The following PGAP1 variants were observed in gnomAD, a reference collection of about 807,000 sequenced individuals.
PGAP1 encodes GPI inositol-deacylase.
PGAP1 carries 76 observed loss-of-function variants against 127.0 expected under a neutral mutation model. The ratio of observed to expected loss-of-function variants is 0.60; its 90% CI spans 0.50 to 0.72. The LOEUF (loss-of-function observed/expected upper bound fraction) is 0.72, where lower values mean the gene tolerates loss of function less well. Ranked by LOEUF, PGAP1 falls within the 30% of genes least tolerant of loss-of-function variation. The pLI, the probability that PGAP1 is intolerant of heterozygous loss-of-function variation, is 0.00. For synonymous variants in PGAP1, 362 were observed against 366.5 expected (o/e 0.99, Z 0.14); for missense variants, 982 against 1,071.3 (o/e 0.92, Z 1.16).
chr2:196,903,784 C>T (rs1364884928), intron 4 of PGAP1, among the ~76,000 whole-genome samples: 1 of 152,120 alleles, frequency 6.6e-6, no homozygotes, highest in Non-Finnish European at 1.5e-5. Context: ...CAATTTTTCA[C>T]TTTGTCTATT....
intron 21 of PGAP1, 58 bp downstream of exon 21, chr2:196,847,889 A>G: frequency 7.9e-7 from 1 of 1,262,338 alleles, no homozygotes; most frequent in Non-Finnish European, 1.1e-6. Flanking sequence ...TATGGAACCA[A>G]ATATAATGTT....
intron 22 of PGAP1, 88 bp downstream of exon 22, chr2:196,846,915 T>C: frequency 9.1e-7 from 1 of 1,102,896 alleles, no homozygotes. Flanking sequence ...GAAAATAGTT[T>C]AGTAAAAATA....
At chr2:196,842,202 G>C (rs1466622118) in intron 26 of PGAP1, among the ~76,000 whole-genome samples, 1 of 152,130 alleles carries the variant, frequency 6.6e-6, no homozygotes, top group African/African-American at 2.4e-5. Context: ...TAAAGACAGA[G>C]CTATTAAATA....
chr2:196,896,758 G>C (rs1702287742), intron 7 of PGAP1, among the ~76,000 whole-genome samples: 1 of 149,984 alleles, frequency 6.7e-6, no homozygotes, highest in African/African-American at 2.5e-5. Context: ...GAACCTGGGA[G>C]GCAGAGGCTG....
rs781211463 is a variant in PGAP1 at position 196,902,659 on chromosome 2, G to A, written c.733C>T (p.Arg245Trp). 5.6e-6 allele frequency: 9 copies of A among 1,613,106 alleles called. No individual in the cohort carries two copies. The highest frequency in any genetic ancestry group is 2.2e-5 in the East Asian group (1 of 44,834). ...AATCCTGAACGAACTTGGTAATCCC[G>A]GAATCCTCCAGCTACAGAAAGTGTG... ...LTTLSVAGGFRDYQVRSGLTF... is the reference protein window; with the variant it reads ...LTTLSVAGGFWDYQVRSGLTF... The change falls in exon 5 of 27, where the codon CGG (arginine) becomes TGG (tryptophan). Residue 245 changes from arginine to tryptophan, a missense_variant. Transcript: ENST00000354764.
chr2:196,902,459 G>A, intron 5 of PGAP1, 126 bp downstream of exon 5: 3 of 654,140 alleles, frequency 4.6e-6, no homozygotes, highest in Non-Finnish European at 7.6e-6. Flanking sequence ...ACACATGCAT[G>A]CCCACACAGC....
At position 196,847,132 on chromosome 2, in the gene PGAP1, C is replaced by G; in HGVS notation, c.2021G>C (p.Cys674Ser). 1.2e-6 allele frequency: 2 copies of G among 1,613,224 alleles called. No individual in the cohort carries two copies. Among genetic ancestry groups the G allele is most frequent in the Non-Finnish European group, 1.7e-6 (2 of 1,179,486 alleles). The change falls in exon 22 of 27, where the codon TGT becomes TCT. Residue 674 changes from cysteine (C) to serine (S), a missense_variant. By Grantham distance (112) the Cys-to-Ser change is moderately radical. Transcript: ENST00000354764. ...TATCAGGGGGAAACACATACTCTGA[C>G]AAGTTAAAATGACGGCATCTAATTC... ...LPELDAVILTCQSMCFPLISL... is the reference protein window; with the variant it reads ...LPELDAVILTSQSMCFPLISL...
At chr2:196,860,768 G>A (rs1261139020) in intron 20 of PGAP1, among the ~76,000 whole-genome samples, 1 of 152,134 alleles carries the variant, frequency 6.6e-6, no homozygotes, top group East Asian at 1.9e-4. Flanking sequence ...ACTACCTCAA[G>A]CAATGTCTAG....
chr2:196,905,727 C>T (rs1702682064), intron 4 of PGAP1, among the ~76,000 whole-genome samples: 1 of 148,926 alleles, frequency 6.7e-6, no homozygotes, highest in Non-Finnish European at 1.5e-5. Context: ...ACAGTGGGCG[C>T]AGGCCAGTGT....
At chr2:196,926,439 G>A in intron 1 of PGAP1, 31 bp downstream of exon 1, 1 of 1,613,528 alleles carries the variant, frequency 6.2e-7, no homozygotes, top group Non-Finnish European at 8.5e-7. Flanking sequence ...GAGTCTTGGA[G>A]CGCCCGGCTG....
chr2:196,893,264 C>A lies in PGAP1; in HGVS notation c.928-19G>T. The A allele has an allele frequency of 7.8e-7, 1 of 1,281,996 alleles. No individual in the cohort carries two copies. The highest frequency in any genetic ancestry group is 1.1e-6 in the Non-Finnish European group (1 of 886,306). 79.4% of individuals were successfully genotyped at this position (1,281,996 alleles called of 1,614,324 possible). A position where few individuals can be genotyped will look rare whatever the true frequency, so the allele number is the denominator to read the frequency against. On this transcript the variant is annotated intron_variant, in intron 7 of 26. Coordinates refer to ENST00000354764, the MANE Select transcript of PGAP1 (RefSeq NM_024989.4). ...GAGTTATCTAGAAAGAACATTGATA[C>A]ATTCTGTATCATTTTGTATCTATTG...
intron 20 of PGAP1, among the ~76,000 whole-genome samples, chr2:196,861,303 T>C (rs953731771): frequency 1.3e-5 from 2 of 151,974 alleles, no homozygotes; most frequent in Non-Finnish European, 2.9e-5. Context: ...CAAAAGCACA[T>C]ACAATAAAAG....
At chr2:196,873,459 G>A in intron 16 of PGAP1, 69 bp downstream of exon 16, 1 of 1,089,138 alleles carries the variant, frequency 9.2e-7, no homozygotes, top group Non-Finnish European at 1.3e-6. Context: ...TAGAAAATTT[G>A]AGTTAACACC....
intron 5 of PGAP1, among the ~76,000 whole-genome samples, chr2:196,899,996 C>T (rs976740147): frequency 1.2e-4 from 19 of 152,194 alleles, no homozygotes; most frequent in African/African-American, 4.6e-4. Flanking sequence ...TGAGATTGTG[C>T]CATTGCACTC....
chr2:196,838,997 T>C lies in PGAP1; in HGVS notation c.*2237A>G, dbSNP rs961631851. 1 of 152,574 alleles carries C rather than the reference T, an allele frequency of 6.6e-6. No homozygotes were observed. The highest frequency in any genetic ancestry group is 2.4e-5 in the African/African-American group (1 of 41,406). The allele number at this position is 152,574 out of a possible 1,614,324, so 9.5% of individuals were successfully genotyped here. A position where few individuals can be genotyped will look rare whatever the true frequency, so the allele number is the denominator to read the frequency against. On this transcript the variant is annotated 3_prime_UTR_variant, in exon 27 of 27. Transcript: ENST00000354764. ...AGGTGGAGGTTGCAGTGAGCTGAAA[T>C]CGCGCCACTGCACTCCAGCCTGGTG...
chr2:196,839,495 C>A lies in PGAP1; in HGVS notation c.*1739G>T, dbSNP rs1700345408. 1 of 152,208 alleles carries A rather than the reference C, an allele frequency of 6.6e-6. No homozygotes were observed. Among genetic ancestry groups the A allele is most frequent in the South Asian group, 2.1e-4 (1 of 4,838 alleles). 9.4% of individuals were successfully genotyped at this position (152,208 alleles called of 1,614,324 possible). On this transcript the variant is annotated 3_prime_UTR_variant, in exon 27 of 27. Coordinates refer to ENST00000354764, the MANE Select transcript of PGAP1 (RefSeq NM_024989.4). ...TCTTCTGCTACTTCTCTCAAACAAA[C>A]AAGCACCTGTCTGCCATATCCCCAC...
intron 4 of PGAP1, among the ~76,000 whole-genome samples, chr2:196,904,563 C>A (rs1362124924): frequency 1.3e-5 from 2 of 152,070 alleles, no homozygotes; most frequent in Non-Finnish European, 2.9e-5. Context: ...TGGTGAAACA[C>A]TGTCTCTACT....
intron 4 of PGAP1, 48 bp downstream of exon 4, chr2:196,912,834 A>T: frequency 6.8e-7 from 1 of 1,476,396 alleles, no homozygotes; most frequent in Non-Finnish European, 9.1e-7. Context: ...TGATTTATTT[A>T]ATCTTAAATA....
intron 10 of PGAP1, 30 bp downstream of exon 10, chr2:196,890,798 A>G: frequency 7.6e-7 from 1 of 1,319,016 alleles, no homozygotes; most frequent in Non-Finnish European, 1.1e-6. Flanking sequence ...TAGCCTCTTA[A>G]ATTTACATAA....
Sources: allele counts gnomAD v4.1 joint callset (sites outside exome capture counted in the v4.1 genomes callset), GRCh38; gene constraint gnomAD v4.1.1; transcripts MANE v1.5; gene names NCBI Gene and HGNC (gene_info 2026-07-23, HGNC 2026-07-21).